The following GATA4 variants were observed in gnomAD, a reference collection of about 807,000 sequenced individuals.
The protein encoded by GATA4 is transcription factor GATA-4.
GATA4 carries 7 observed loss-of-function variants against 37.9 expected under a neutral mutation model. The observed-to-expected ratio is 0.18, with a 90% CI of 0.11 to 0.35. The LOEUF is 0.35. GATA4 is among the 10% of genes least tolerant of loss of function. The pLI is 1.00. For synonymous variants in GATA4, 372 were observed against 292.6 expected, an observed-to-expected ratio of 1.27 and a Z score of -2.77; for missense variants, 647 against 653.0, an observed-to-expected ratio of 0.99 and a Z score of 0.10.
In GATA4 at chr8:11,750,433, G is replaced by A. The variant is rs545713330; in HGVS notation, c.912+197G>A. 3.9e-5 allele frequency among the ~76,000 whole-genome samples: 6 copies of A among 152,300 alleles called. No homozygotes were observed. In the South Asian group the frequency reaches 1.2e-3, roughly 32 times the overall value. On this transcript the variant is annotated intron_variant, in intron 4 of 6. Coordinates refer to ENST00000532059, the MANE Select transcript of GATA4 (RefSeq NM_001308093.3). ...TAAGTGAATTTTCCGTTTTACAGAT[G>A]AGCAGGCTACATTTATATGTAGCAG...
intron 2 of GATA4, among the ~76,000 whole-genome samples, chr8:11,743,199 T>A (rs1225483631): frequency 1.3e-5 from 2 of 152,268 alleles, no homozygotes; most frequent in Non-Finnish European, 2.9e-5. Context: ...AAGGTAGTGA[T>A]TATTTTTGAG....
chr8:11,682,167 C>G (rs986871272), intron 1 of GATA4, among the ~76,000 whole-genome samples: 5 of 152,158 alleles, frequency 3.3e-5, no homozygotes, highest in African/African-American at 9.7e-5. Flanking sequence ...TGGTGTCTGA[C>G]AAGATTGATT....
At chr8:11,680,620 C>A in intron 1 of GATA4, 3 of 985,378 alleles carry the variant, frequency 3.0e-6, no homozygotes, top group Non-Finnish European at 3.6e-6. Flanking sequence ...GGTGGCGTGA[C>A]CTCTTGCCAC....
chr8:11,734,389 A>G (rs927435041), intron 2 of GATA4, among the ~76,000 whole-genome samples: 2 of 152,246 alleles, frequency 1.3e-5, no homozygotes, highest in Non-Finnish European at 2.9e-5. Flanking sequence ...GCACTGGCAG[A>G]TTGGTGTCTG....
chr8:11,721,928 C>T (rs1045512656), intron 2 of GATA4, among the ~76,000 whole-genome samples: 5 of 152,146 alleles, frequency 3.3e-5, no homozygotes, highest in Non-Finnish European at 7.3e-5. Context: ...TCAGATCAAC[C>T]GATCTTTCTT....
At chr8:11,692,802 G>C in intron 1 of GATA4, 1 of 981,682 alleles carries the variant, frequency 1.0e-6, no homozygotes, top group East Asian at 1.1e-4. Context: ...AAGCGGGGCC[G>C]GCGCAGCGGG....
chr8:11,741,659 A>G lies in GATA4; in HGVS notation c.617-7257A>G, dbSNP rs144798033. Among the ~76,000 whole-genome samples, 674 of 152,322 alleles carry G rather than the reference A, an allele frequency of 4.4e-3. 5 individuals are homozygous for G. The highest frequency in any genetic ancestry group is 4.9e-3 in the Non-Finnish European group (330 of 68,022). ...ATGGGGAAATCTTTATGCTGTAATT[A>G]TAGGCCCACATGGAGGGGTTCTCGA... On this transcript the variant is annotated intron_variant, in intron 2 of 6. Transcript: ENST00000532059.
upstream of GATA4, chr8:11,691,915 GA>G (rs376049123): frequency 0.044 from 22,013 of 502,150 alleles, 20 homozygotes; most frequent in Middle Eastern, 0.05. Flanking sequence ...AAAGAGGGAA[GA>G]AAAAAAAAAA....
In GATA4 at chr8:11,749,335, C is replaced by T. The variant is rs1030244317; in HGVS notation, c.786+250C>T. ...TCAGAAAAGCTAGTGGCCTTGCCCACAGCCACTCAGGTACTGAGTCTCCCA... is the reference window on the plus strand; with the variant it reads ...TCAGAAAAGCTAGTGGCCTTGCCCATAGCCACTCAGGTACTGAGTCTCCCA... On this transcript the variant is annotated intron_variant, in intron 3 of 6. Coordinates refer to ENST00000532059, the MANE Select transcript of GATA4 (RefSeq NM_001308093.3). The surrounding 1 kb of genome is among the most constrained non-coding windows in gnomAD (Gnocchi z 4.6). Among the ~76,000 whole-genome samples the T allele has an allele frequency of 2.6e-5, 4 of 152,344 alleles. No homozygotes were observed. Among genetic ancestry groups the T allele is most frequent in the Admixed American group, 6.5e-5 (1 of 15,306 alleles).
intron 2 of GATA4, among the ~76,000 whole-genome samples, chr8:11,736,429 C>G (rs555020792): frequency 2.6e-5 from 4 of 152,232 alleles, no homozygotes; most frequent in Admixed American, 1.3e-4. Flanking sequence ...CTACTTGCGT[C>G]TGGAATTGCC....
At chr8:11,703,121 C>T (rs1228206708), upstream of GATA4, among the ~76,000 whole-genome samples, 1 of 152,100 alleles carries the variant, frequency 6.6e-6, no homozygotes, top group East Asian at 1.9e-4. Context: ...CCGACCCCTT[C>T]CCCCATCCCT....
intron 1 of GATA4, among the ~76,000 whole-genome samples, chr8:11,682,747 G>C (rs1799010885): frequency 6.6e-6 from 1 of 152,226 alleles, no homozygotes; most frequent in Admixed American, 6.5e-5. Flanking sequence ...AATTTGGAAA[G>C]TTACTATCCT....
At chr8:11,677,776 T>C (rs568645022) in intron 1 of GATA4, among the ~76,000 whole-genome samples, 1 of 152,208 alleles carries the variant, frequency 6.6e-6, no homozygotes, top group South Asian at 2.1e-4. Flanking sequence ...TTTCCGATTA[T>C]TCTGGAGCCA....
chr8:11,711,100 C>G (rs1349236430), intron 2 of GATA4, among the ~76,000 whole-genome samples: 1 of 152,186 alleles, frequency 6.6e-6, no homozygotes, highest in African/African-American at 2.4e-5. Flanking sequence ...GGGAGTATGT[C>G]TCAAAACAAA....
chr8:11,700,200 T>C (rs1053907324), upstream of GATA4, among the ~76,000 whole-genome samples: 2 of 152,228 alleles, frequency 1.3e-5, no homozygotes, highest in Non-Finnish European at 2.9e-5. Flanking sequence ...TGAGAGGGTG[T>C]GCCAGAAACT....
At chr8:11,740,701 G>A (rs1801691813) in intron 2 of GATA4, among the ~76,000 whole-genome samples, 1 of 151,958 alleles carries the variant, frequency 6.6e-6, no homozygotes, top group Non-Finnish European at 1.5e-5. Flanking sequence ...GCTCACTGCA[G>A]TCTTTCAGTA....
intron 2 of GATA4, among the ~76,000 whole-genome samples, chr8:11,738,231 A>G (rs1165192464): frequency 6.6e-6 from 1 of 152,042 alleles, no homozygotes; most frequent in East Asian, 1.9e-4. Context: ...CATTAACATA[A>G]ACATAGTTGA....
chr8:11,754,673 G>A (rs1272271508), intron 4 of GATA4, among the ~76,000 whole-genome samples: 9 of 152,052 alleles, frequency 5.9e-5, no homozygotes, highest in African/African-American at 1.7e-4. Flanking sequence ...ATATCCTCAC[G>A]TGCCCCTCCT....
chr8:11,682,652 C>T (rs1255906111), intron 1 of GATA4, among the ~76,000 whole-genome samples: 1 of 151,982 alleles, frequency 6.6e-6, no homozygotes, highest in African/African-American at 2.4e-5. Flanking sequence ...AAATTTTTAA[C>T]GGGGAAAAAC....
Sources: allele counts gnomAD v4.1 joint callset (sites outside exome capture counted in the v4.1 genomes callset), GRCh38; gene constraint gnomAD v4.1.1; non-coding constraint Gnocchi (gnomAD v3.1); transcripts MANE v1.5; gene names NCBI Gene and HGNC (gene_info 2026-07-23, HGNC 2026-07-21).